Variants in ARL15 observed in about 807,000 individuals in gnomAD.
The protein encoded by ARL15 is ADP-ribosylation factor-like protein 15.
Under a neutral mutation model 25.2 loss-of-function variants are expected in ARL15, and 19 were observed. That is an observed-to-expected ratio of 0.75 (90% confidence interval 0.53 to 1.10). The LOEUF (loss-of-function observed/expected upper bound fraction) is 1.10. Among genes scored for constraint, ARL15 ranks in the 50% least tolerant of loss-of-function variants. The pLI, the probability that ARL15 is intolerant of heterozygous loss-of-function variation, is 0.00. For missense variants in ARL15, 220 were observed against 246.0 expected (o/e 0.89, Z 0.71); for synonymous variants, 94 against 86.8 (o/e 1.08, Z -0.46).
intron 4 of ARL15, among the ~76,000 whole-genome samples, chr5:53,899,530 T>G (rs1247430041): frequency 6.6e-6 from 1 of 152,074 alleles, no homozygotes; most frequent in Non-Finnish European, 1.5e-5. Flanking sequence ...TGGTTTAGTT[T>G]GCTCTTTTTT....
At chr5:53,916,568 A>G (rs1206414136) in intron 4 of ARL15, among the ~76,000 whole-genome samples, 1 of 152,158 alleles carries the variant, frequency 6.6e-6, no homozygotes, top group African/African-American at 2.4e-5. Context: ...TATTATTATT[A>G]TTATTTGGAA....
Position 53,964,595 on chromosome 5 carries a change from C to T in ARL15, c.463-77882G>A, listed in dbSNP as rs890211472. Among the ~76,000 whole-genome samples, 5 of 152,108 alleles carry T rather than the reference C, an allele frequency of 3.3e-5. No individual in the cohort carries two copies. The South Asian group carries it at 8.3e-4, about 25-fold the overall frequency. On this transcript the variant is annotated intron_variant, in intron 4 of 4. Coordinates refer to ENST00000504924, the MANE Select transcript of ARL15 (RefSeq NM_019087.3). ...CAGGATGGTCTTGATCTCCTGACCTCGTGATCCGCCCACCTTGGCCTCCCA... is the reference window on the plus strand; with the variant it reads ...CAGGATGGTCTTGATCTCCTGACCTTGTGATCCGCCCACCTTGGCCTCCCA...
chr5:53,901,501 C>A (rs1215586631), intron 4 of ARL15, among the ~76,000 whole-genome samples: 2 of 152,096 alleles, frequency 1.3e-5, no homozygotes, highest in South Asian at 4.1e-4. Flanking sequence ...TTGTCTGAAA[C>A]ACAGGCTTGT....
At chr5:54,208,216 T>C (rs1029050338) in intron 1 of ARL15, among the ~76,000 whole-genome samples, 3 of 152,144 alleles carry the variant, frequency 2.0e-5, no homozygotes, top group African/African-American at 7.2e-5. Flanking sequence ...ATCTCACTCT[T>C]GCACACAGAA....
chr5:53,978,634 AAAGAAAAG>A (rs1748021930), intron 4 of ARL15, among the ~76,000 whole-genome samples: 1 of 131,554 alleles, frequency 7.6e-6, no homozygotes, highest in Admixed American at 7.9e-5. Context: ...AAAAAAAAAA[AAAGAAAAG>A]AAAAGAAAGA....
intron 4 of ARL15, among the ~76,000 whole-genome samples, chr5:54,070,366 T>C (rs10069635): frequency 0.18 from 27,707 of 151,052 alleles, 3,365 homozygotes; most frequent in African/African-American, 0.35. Flanking sequence ...CACCCCAGCC[T>C]GGGCGACAGA....
chr5:54,107,864 C>T (rs940727655), intron 4 of ARL15, among the ~76,000 whole-genome samples: 2 of 151,938 alleles, frequency 1.3e-5, no homozygotes, highest in African/African-American at 2.4e-5. Context: ...AACGTATTTG[C>T]TCATGGAAAT....
chr5:54,218,111 T>C (rs956488481), intron 1 of ARL15, among the ~76,000 whole-genome samples: 1 of 152,068 alleles, frequency 6.6e-6, no homozygotes. Context: ...AAGAGCAACC[T>C]CCCATTTATT....
chr5:54,199,965 T>C (rs1755664472), intron 1 of ARL15, among the ~76,000 whole-genome samples: 2 of 149,366 alleles, frequency 1.3e-5, no homozygotes, highest in South Asian at 2.1e-4. Context: ...TATGCAGCCA[T>C]AAAAAATGAT....
At chr5:53,967,061 T>C (rs1747589881) in intron 4 of ARL15, among the ~76,000 whole-genome samples, 1 of 152,192 alleles carries the variant, frequency 6.6e-6, no homozygotes, top group South Asian at 2.1e-4. Context: ...TAAACTGGAA[T>C]ATAAGTCAGT....
chr5:54,076,034 T>C (rs6863779), intron 4 of ARL15, among the ~76,000 whole-genome samples: 35,130 of 152,020 alleles, frequency 0.23, 4,646 homozygotes, highest in African/African-American at 0.36. Context: ...GTGTAAATAA[T>C]ACATACACAC....
At chr5:54,289,105 T>C (rs1308457707) in intron 1 of ARL15, among the ~76,000 whole-genome samples, 1 of 152,234 alleles carries the variant, frequency 6.6e-6, no homozygotes, top group Non-Finnish European at 1.5e-5. Context: ...AAGTGTAGCA[T>C]AGATCGGCAA....
chr5:54,270,694 C>A (rs1468249874), intron 1 of ARL15, among the ~76,000 whole-genome samples: 1 of 152,212 alleles, frequency 6.6e-6, no homozygotes, highest in African/African-American at 2.4e-5. Context: ...GGTGCTACGG[C>A]CACCTGCCTG....
chr5:54,031,702 T>C (rs996315731), intron 4 of ARL15, among the ~76,000 whole-genome samples: 25 of 151,946 alleles, frequency 1.6e-4, no homozygotes, highest in African/African-American at 5.6e-4. Context: ...ATGGCGAGAG[T>C]ACTTGACATG....
chr5:54,029,306 T>TACCACCACCACCACCACCACTACC (rs1749886421), intron 4 of ARL15, among the ~76,000 whole-genome samples: 2 of 120,020 alleles, frequency 1.7e-5, no homozygotes, highest in African/African-American at 6.3e-5. Flanking sequence ...TAAAAACAGT[T>TACCACCACCACCACCACCACTACC]ACCACCACCA....
At chr5:53,932,392 TC>T (rs1746219469) in intron 4 of ARL15, among the ~76,000 whole-genome samples, 1 of 151,960 alleles carries the variant, frequency 6.6e-6, no homozygotes, top group Admixed American at 6.6e-5. Context: ...TGCCAACAGC[TC>T]CCCCTTCATA....
intron 1 of ARL15, among the ~76,000 whole-genome samples, chr5:54,224,335 G>A (rs942067571): frequency 3.3e-5 from 5 of 152,124 alleles, no homozygotes; most frequent in Non-Finnish European, 7.4e-5. Context: ...CTGAGATAAG[G>A]CACAGGAAAT....
chr5:54,291,278 A>T (rs927678096), intron 1 of ARL15, among the ~76,000 whole-genome samples: 2 of 152,174 alleles, frequency 1.3e-5, no homozygotes, highest in South Asian at 4.1e-4. Flanking sequence ...CTTGGTTTCC[A>T]TGGGGGATTG....
At chr5:54,235,352 G>T (rs897213134) in intron 1 of ARL15, among the ~76,000 whole-genome samples, 2 of 152,100 alleles carry the variant, frequency 1.3e-5, no homozygotes, top group Non-Finnish European at 2.9e-5. Context: ...GTAATGACAT[G>T]GAAAGAAGTC....
Sources: allele counts gnomAD v4.1 joint callset (sites outside exome capture counted in the v4.1 genomes callset), GRCh38; gene constraint gnomAD v4.1.1; transcripts MANE v1.5; gene names NCBI Gene and HGNC (gene_info 2026-07-23, HGNC 2026-07-21).